The following CSMD1 variants were observed in gnomAD, a reference collection of about 807,000 sequenced individuals.
CSMD1 encodes CUB and sushi domain-containing protein 1.
CSMD1 carries 213 observed loss-of-function variants against 417.5 expected under a neutral mutation model. That is an observed-to-expected ratio of 0.51 (90% CI 0.46 to 0.57). CSMD1 has a LOEUF of 0.57. Ranked by LOEUF, CSMD1 falls within the 20% of genes least tolerant of loss-of-function variation. CSMD1 has a pLI of 0.00. For missense variants in CSMD1, 6,923 were observed against 4,529.7 expected (o/e 1.53, Z -15.17); for synonymous variants, 2,862 against 1,736.8 (o/e 1.65, Z -16.11).
At chr8:4,176,456 A>G (rs1798046321) in intron 3 of CSMD1, among the ~76,000 whole-genome samples, 2 of 151,312 alleles carry the variant, frequency 1.3e-5, no homozygotes, top group African/African-American at 4.9e-5. Flanking sequence ...CTTTTTGATT[A>G]TTTTCTCATC....
At chr8:3,283,781 C>A (rs1016418648) in intron 26 of CSMD1, among the ~76,000 whole-genome samples, 16 of 152,222 alleles carry the variant, frequency 1.1e-4, no homozygotes, top group Non-Finnish European at 1.3e-4. Context: ...CCGTTTATCA[C>A]CACTAAATTC....
chr8:4,433,671 C>A (rs142139780), intron 2 of CSMD1, among the ~76,000 whole-genome samples: 1 of 152,168 alleles, frequency 6.6e-6, no homozygotes, highest in Non-Finnish European at 1.5e-5. Context: ...CTACACTCTC[C>A]CACTTGCAGT....
At chr8:4,114,652 G>C (rs139257705) in intron 3 of CSMD1, among the ~76,000 whole-genome samples, 552 of 152,286 alleles carry the variant, frequency 3.6e-3, no homozygotes, top group African/African-American at 0.012. Flanking sequence ...GATTATCTTT[G>C]CTAGATGCCA....
Position 4,867,776 on chromosome 8 carries a change from A to T in CSMD1, c.85+126556T>A, listed in dbSNP as rs186920023. 2.1e-3 allele frequency among the ~76,000 whole-genome samples: 315 copies of T among 152,234 alleles called. 3 individuals carry two copies. Among genetic ancestry groups the T allele is most frequent in the Non-Finnish European group, 2.0e-3 (139 of 68,026 alleles). On this transcript the variant is annotated intron_variant, in intron 1 of 69. Transcript: ENST00000635120. ...AGGTTTTTAGTAGCTTAAAGATAAG[A>T]GTGTTTTGATCCCTCTAATAAATAC...
At chr8:3,851,169 A>T (rs146034737) in intron 5 of CSMD1, among the ~76,000 whole-genome samples, 2 of 152,210 alleles carry the variant, frequency 1.3e-5, no homozygotes, top group Non-Finnish European at 2.9e-5. Flanking sequence ...AGGATATATT[A>T]TGATATCAGT....
At chr8:3,265,537 G>A (rs888632087) in intron 26 of CSMD1, among the ~76,000 whole-genome samples, 2 of 152,124 alleles carry the variant, frequency 1.3e-5, no homozygotes, top group Non-Finnish European at 2.9e-5. Flanking sequence ...TTAGAGAGAG[G>A]GAGTAGCACA....
intron 1 of CSMD1, among the ~76,000 whole-genome samples, chr8:4,815,962 G>A (rs73181530): frequency 5.3e-5 from 8 of 152,118 alleles, no homozygotes; most frequent in South Asian, 2.1e-4. Context: ...ATTTGAAAAC[G>A]GAAAAATGAG....
chr8:3,526,369 A>G (rs930816562), intron 10 of CSMD1, among the ~76,000 whole-genome samples: 8 of 152,072 alleles, frequency 5.3e-5, no homozygotes, highest in African/African-American at 1.7e-4. Context: ...GTGAGTTGAG[A>G]GTAATAACGT....
At position 3,894,276 on chromosome 8, in the gene CSMD1, C is replaced by T. The variant is rs542341231; in HGVS notation, c.818+103627G>A. Among the ~76,000 whole-genome samples the T allele has an allele frequency of 4.6e-5, 7 of 152,294 alleles. No individual in the cohort carries two copies. In the South Asian group the frequency reaches 1.5e-3, roughly 32 times the overall value. On this transcript the variant is annotated intron_variant, in intron 5 of 69. Coordinates refer to ENST00000635120, the MANE Select transcript of CSMD1 (RefSeq NM_033225.6). ...AGTCCCATCTCCACACTGTAATCTA[C>T]TTCCTGTGCACCTGTCTCGCTCCAG...
chr8:4,655,413 A>C (rs1804165921), intron 1 of CSMD1, among the ~76,000 whole-genome samples: 1 of 152,110 alleles, frequency 6.6e-6, no homozygotes, highest in Non-Finnish European at 1.5e-5. Context: ...TGTTAAACAA[A>C]AACAATTTTA....
chr8:3,625,069 C>G (rs1443813217), intron 7 of CSMD1, among the ~76,000 whole-genome samples: 5 of 106,452 alleles, frequency 4.7e-5, no homozygotes, highest in African/African-American at 1.4e-4. Context: ...ACATGCATAA[C>G]AGTTTTTTTT....
intron 5 of CSMD1, among the ~76,000 whole-genome samples, chr8:3,984,753 T>TATATA (rs1563284959): frequency 6.8e-5 from 4 of 58,454 alleles, no homozygotes; most frequent in East Asian, 4.3e-4. Context: ...ATATATATAT[T>TATATA]TGTATGTATT....
chr8:4,571,255 T>C (rs1013304651), intron 2 of CSMD1, among the ~76,000 whole-genome samples: 2 of 152,218 alleles, frequency 1.3e-5, no homozygotes, highest in Non-Finnish European at 2.9e-5. Flanking sequence ...TTTGGATCTT[T>C]CCTGCTTTCT....
chr8:3,654,418 T>A (rs1451971150), intron 7 of CSMD1, among the ~76,000 whole-genome samples: 1 of 152,146 alleles, frequency 6.6e-6, no homozygotes, highest in East Asian at 1.9e-4. Context: ...TTTGGTGTAG[T>A]CCACATGCCT....
At chr8:4,239,319 G>A (rs1585078469) in intron 3 of CSMD1, among the ~76,000 whole-genome samples, 1 of 152,198 alleles carries the variant, frequency 6.6e-6, no homozygotes, top group African/African-American at 2.4e-5. Flanking sequence ...CCAGTGCTAA[G>A]GAGAAGATTC....
At chr8:4,754,229 C>T (rs553461351) in intron 1 of CSMD1, among the ~76,000 whole-genome samples, 8 of 152,080 alleles carry the variant, frequency 5.3e-5, no homozygotes, top group Non-Finnish European at 1.2e-4. Context: ...CGGGATCTGC[C>T]ATTTCCATGT....
rs542149872 is a variant in CSMD1, at chr8:3,443,381, C to T, written c.1561+25331G>A. On this transcript the variant is annotated intron_variant, in intron 12 of 69. Coordinates refer to ENST00000635120, the MANE Select transcript of CSMD1 (RefSeq NM_033225.6). ...GAGCAAGCTACTATAGAATGAGCTC[C>T]AGAATTCATTAGATAGAAAAAAAAT... Among the ~76,000 whole-genome samples the T allele has an allele frequency of 2.6e-4, 40 of 152,054 alleles. No individual in the cohort carries two copies. In the Middle Eastern group the frequency reaches 0.01, roughly 39 times the overall value.
intron 5 of CSMD1, among the ~76,000 whole-genome samples, chr8:3,777,894 G>C (rs1047633240): frequency 2.6e-5 from 4 of 151,286 alleles, no homozygotes; most frequent in Non-Finnish European, 4.4e-5. Flanking sequence ...GAAGCGCAGA[G>C]TCTCAGTTCC....
intron 1 of CSMD1, among the ~76,000 whole-genome samples, chr8:4,752,716 G>C (rs1324128251): frequency 6.6e-6 from 1 of 152,034 alleles, no homozygotes; most frequent in Non-Finnish European, 1.5e-5. Flanking sequence ...TTTACCTTTG[G>C]GGCAACGAAA....
Sources: allele counts gnomAD v4.1 joint callset (sites outside exome capture counted in the v4.1 genomes callset), GRCh38; gene constraint gnomAD v4.1.1; transcripts MANE v1.5; gene names NCBI Gene and HGNC (gene_info 2026-07-23, HGNC 2026-07-21).